The following RAP1A variants were observed in gnomAD, a reference collection of about 807,000 sequenced individuals.
The protein encoded by RAP1A is ras-related protein Rap-1A.
In RAP1A, 6 loss-of-function variants were observed where a neutral mutation model predicts 26.4. The observed-to-expected ratio is 0.23, with a 90% confidence interval of 0.12 to 0.45. The LOEUF (loss-of-function observed/expected upper bound fraction) is 0.45, where lower values mean the gene tolerates loss of function less well. Ranked by LOEUF, RAP1A falls within the 20% of genes least tolerant of loss-of-function variation. RAP1A has a pLI of 0.99. For synonymous variants in RAP1A, 73 were observed against 79.4 expected, an observed-to-expected ratio of 0.92 and a Z score of 0.43; for missense variants, 121 against 217.2, an observed-to-expected ratio of 0.56 and a Z score of 2.78.
chr1:111,554,972 TAGTTATTAATGGCTACAGAATATTTTTTA>T (rs1400237773), intron 1 of RAP1A, among the ~76,000 whole-genome samples: 1 of 151,640 alleles, frequency 6.6e-6, no homozygotes, highest in Non-Finnish European at 1.5e-5. Flanking sequence ...ACTTTAAATG[TAGTTATTAATGGCTACAGAATATTTTTTA>T]AGTATATATA....
intron 4 of RAP1A, among the ~76,000 whole-genome samples, chr1:111,699,485 A>G (rs1322173490): frequency 7.2e-5 from 7 of 97,570 alleles, no homozygotes; most frequent in African/African-American, 2.0e-4. Context: ...TTTTTGAAAC[A>G]GGGTCTCTCT....
chr1:111,648,786 T>C (rs17665274), intron 1 of RAP1A: 97,550 of 639,330 alleles, frequency 0.15, 8,264 homozygotes, highest in South Asian at 0.17. Context: ...CTTGTCTAGC[T>C]CCTGTCGATT....
At chr1:111,680,263 CAA>C (rs1465185647) in intron 1 of RAP1A, among the ~76,000 whole-genome samples, 1 of 152,168 alleles carries the variant, frequency 6.6e-6, no homozygotes, top group Non-Finnish European at 1.5e-5. Context: ...AGCGAAAGAA[CAA>C]AGTGTCCACA....
chr1:111,610,962 A>G (rs1227015195), intron 1 of RAP1A, among the ~76,000 whole-genome samples: 1 of 46,574 alleles, frequency 2.1e-5, no homozygotes, highest in African/African-American at 8.4e-5. Context: ...TGGAAGAAAC[A>G]TATTTTTTTT....
intron 6 of RAP1A, among the ~76,000 whole-genome samples, chr1:111,706,067 A>G (rs913961503): frequency 6.6e-6 from 1 of 152,206 alleles, no homozygotes; most frequent in South Asian, 2.1e-4. Flanking sequence ...ATACTTTTTC[A>G]TAGCAGTCTT....
At chr1:111,598,286 T>C (rs1658596368) in intron 1 of RAP1A, among the ~76,000 whole-genome samples, 1 of 152,216 alleles carries the variant, frequency 6.6e-6, no homozygotes, top group Admixed American at 6.5e-5. Context: ...CGTTAACAGA[T>C]TTAAACTTTG....
At chr1:111,669,261 G>T (rs1660902203) in intron 1 of RAP1A, among the ~76,000 whole-genome samples, 1 of 152,180 alleles carries the variant, frequency 6.6e-6, no homozygotes. Context: ...CTAATAAGTA[G>T]TGGATATATT....
At chr1:111,670,522 G>T (rs1660942230) in intron 1 of RAP1A, among the ~76,000 whole-genome samples, 2 of 151,920 alleles carry the variant, frequency 1.3e-5, no homozygotes, top group Admixed American at 1.3e-4. Flanking sequence ...ATTGAGGCAG[G>T]TATCCAACTT....
At chr1:111,616,772 G>A (rs1659022160), upstream of RAP1A, among the ~76,000 whole-genome samples, 1 of 152,100 alleles carries the variant, frequency 6.6e-6, no homozygotes, top group Non-Finnish European at 1.5e-5. Context: ...GAATCACACG[G>A]CCTTGCTGAG....
At chr1:111,687,713 G>A (rs959007215) in intron 1 of RAP1A, among the ~76,000 whole-genome samples, 1 of 151,952 alleles carries the variant, frequency 6.6e-6, no homozygotes, top group African/African-American at 2.4e-5. Context: ...TTTGATTTAA[G>A]TGGTGAAATT....
intron 5 of RAP1A, among the ~76,000 whole-genome samples, chr1:111,703,803 T>C (rs1319250083): frequency 6.6e-6 from 1 of 152,204 alleles, no homozygotes; most frequent in East Asian, 1.9e-4. Context: ...TCAGAAACAG[T>C]GTTCAAAGAA....
chr1:111,550,213 C>T (rs768517945), intron 1 of RAP1A, among the ~76,000 whole-genome samples: 1 of 152,070 alleles, frequency 6.6e-6, no homozygotes, highest in Non-Finnish European at 1.5e-5. Flanking sequence ...TCAGTTTTCT[C>T]CCTATTTTTC....
chr1:111,626,462 TTC>T (rs1659404486), intron 1 of RAP1A, among the ~76,000 whole-genome samples: 1 of 152,076 alleles, frequency 6.6e-6, no homozygotes, highest in South Asian at 2.1e-4. Context: ...GCAATTTCAA[TTC>T]TCTGTTTAAC....
chr1:111,599,961 C>G (rs1403824882), intron 1 of RAP1A: 1 of 151,962 alleles, frequency 6.6e-6, no homozygotes, highest in East Asian at 1.9e-4. Flanking sequence ...TTAAAGTGTG[C>G]GGCACTGTCC....
At chr1:111,617,591 C>A (rs909417307), upstream of RAP1A, among the ~76,000 whole-genome samples, 14 of 151,972 alleles carry the variant, frequency 9.2e-5, no homozygotes, top group African/African-American at 3.1e-4. Flanking sequence ...TGCCACCACG[C>A]CTGGCTAATT....
At chr1:111,552,283 G>C (rs1343779243) in intron 1 of RAP1A, among the ~76,000 whole-genome samples, 2 of 152,172 alleles carry the variant, frequency 1.3e-5, no homozygotes, top group Non-Finnish European at 2.9e-5. Context: ...CTAGAATGCA[G>C]GCTGTTATCT....
At chr1:111,669,402 G>A (rs6695606) in intron 1 of RAP1A, among the ~76,000 whole-genome samples, 1 of 152,206 alleles carries the variant, frequency 6.6e-6, no homozygotes, top group Admixed American at 6.5e-5. Flanking sequence ...GATCATGCCT[G>A]TGAGAGGAAA....
chr1:111,584,892 T>C (rs1658333019), intron 1 of RAP1A, among the ~76,000 whole-genome samples: 1 of 152,184 alleles, frequency 6.6e-6, no homozygotes, highest in Non-Finnish European at 1.5e-5. Flanking sequence ...CTGCTTGCCA[T>C]AAAAATCTCA....
chr1:111,607,870 C>T (rs1571494865), intron 1 of RAP1A, among the ~76,000 whole-genome samples: 2 of 58,382 alleles, frequency 3.4e-5, no homozygotes, highest in South Asian at 1.1e-3. Context: ...CGGGGCCTGA[C>T]CCCCCCCACC....
Sources: allele counts gnomAD v4.1 joint callset (sites outside exome capture counted in the v4.1 genomes callset), GRCh38; gene constraint gnomAD v4.1.1; transcripts MANE v1.5; gene names NCBI Gene and HGNC (gene_info 2026-07-23, HGNC 2026-07-21).